Variants in NTN1 observed in about 807,000 individuals in gnomAD.
NTN1 encodes the protein netrin 1, also known as netrin-1.
In NTN1, 11 loss-of-function variants were observed where a neutral mutation model predicts 54.2. That is an observed-to-expected ratio of 0.20 (90% confidence interval 0.13 to 0.34). NTN1 has a LOEUF of 0.34. NTN1 is among the 10% of genes least tolerant of loss of function. The probability of loss-of-function intolerance (pLI) is 1.00; values close to 1 mark genes in which losing one functional copy is unlikely to be tolerated. For missense variants in NTN1, 740 were observed against 893.1 expected (o/e 0.83, Z 2.18); for synonymous variants, 371 against 382.0 (o/e 0.97, Z 0.33).
rs753601647 is a variant in NTN1, at chr17:9,022,490, T to C, written c.117T>C (p.Asp39=). ...SMFAGQAAQP[D]PCSDENGHPR... ...TCGCGGGCCAGGCGGCGCAGCCCGA[T>C]CCCTGCTCGGACGAGAACGGCCACC... The change falls in exon 2 of 7, where the codon GAT becomes GAC. Residue 39 remains aspartate, a synonymous_variant. Transcript: ENST00000173229. 3.0e-5 allele frequency: 46 copies of C among 1,539,282 alleles called. No homozygotes were observed. The highest frequency in any genetic ancestry group is 3.5e-6 in the Non-Finnish European group (4 of 1,146,800).
intron 2 of NTN1, among the ~76,000 whole-genome samples, chr17:9,125,638 C>G (rs1567716498): frequency 6.6e-6 from 1 of 152,026 alleles, no homozygotes; most frequent in Non-Finnish European, 1.5e-5. Flanking sequence ...GGAGGTCTCA[C>G]TCTGTCACCC....
chr17:9,237,392 A>G (rs553427384), intron 6 of NTN1, among the ~76,000 whole-genome samples: 1 of 152,290 alleles, frequency 6.6e-6, no homozygotes, highest in African/African-American at 2.4e-5. Flanking sequence ...AAAAATTTTA[A>G]TGGGTAGTTA....
intron 2 of NTN1, among the ~76,000 whole-genome samples, chr17:9,090,796 C>T (rs2092107809): frequency 1.3e-5 from 2 of 152,208 alleles, no homozygotes; most frequent in South Asian, 4.1e-4. Context: ...GAGAAGGGGG[C>T]AGGGAGGCTG....
At chr17:9,229,215 C>T (rs1567746654) in intron 6 of NTN1, among the ~76,000 whole-genome samples, 1 of 151,944 alleles carries the variant, frequency 6.6e-6, no homozygotes, top group Non-Finnish European at 1.5e-5. Flanking sequence ...AGCAGTGGGC[C>T]TGGGGACCTG....
chr17:9,147,994 G>A (rs1329889713), intron 2 of NTN1, among the ~76,000 whole-genome samples: 1 of 152,142 alleles, frequency 6.6e-6, no homozygotes, highest in Non-Finnish European at 1.5e-5. Flanking sequence ...CCTCCCCCTT[G>A]TGTCTCCTGG....
chr17:9,153,140 G>A (rs964683918), intron 2 of NTN1, among the ~76,000 whole-genome samples: 11 of 152,094 alleles, frequency 7.2e-5, no homozygotes, highest in Non-Finnish European at 1.3e-4. Context: ...GTGGTGGCAC[G>A]CACCTGTAAT....
At chr17:9,053,517 C>A (rs554175142) in intron 2 of NTN1, among the ~76,000 whole-genome samples, 1 of 152,254 alleles carries the variant, frequency 6.6e-6, no homozygotes, top group Non-Finnish European at 1.5e-5. Flanking sequence ...CCCCTGTGGA[C>A]GTTGCTGTAG....
At chr17:9,203,142 C>T (rs1025661645) in intron 5 of NTN1, among the ~76,000 whole-genome samples, 8 of 151,616 alleles carry the variant, frequency 5.3e-5, no homozygotes, top group African/African-American at 1.2e-4. Flanking sequence ...AGGATGATCT[C>T]GATCTCCTGA....
rs1414813496 is a variant in NTN1 at position 9,125,976 on chromosome 17, C to A, written c.1019-36837C>A. On this transcript the variant is annotated intron_variant, in intron 2 of 6. Coordinates refer to ENST00000173229, the MANE Select transcript of NTN1 (RefSeq NM_004822.3). ...GATGAGAAACCTGAAGCTGAGGGAG[C>A]CTGAGGGACTTGTCAAAGGTTGTCT... 2.0e-5 allele frequency among the ~76,000 whole-genome samples: 3 copies of A among 152,296 alleles called. No homozygotes were observed. The East Asian group carries it at 5.8e-4, about 29-fold the overall frequency.
chr17:9,182,941 T>A lies in NTN1; in HGVS notation c.1383T>A (p.Thr461=). 2 of 1,613,968 alleles carry A rather than the reference T, an allele frequency of 1.2e-6. No individual in the cohort carries two copies. The highest frequency in any genetic ancestry group is 2.2e-5 in the South Asian group (2 of 91,070). The change falls in exon 5 of 7, where the codon ACT becomes ACA. Residue 461 remains threonine (T), a synonymous_variant. Transcript: ENST00000173229. ...AGATCCCTGTAGCGCCGCCGACGAC[T>A]GCAGCCAGCAGCGTGGAGGAGCCTG... ...CIKIPVAPPT[T]AASSVEEPED... is the part of the protein sequence containing the mutation.
rs115680930 is a variant in NTN1, at chr17:9,146,724, A to G, written c.1019-16089A>G. On this transcript the variant is annotated intron_variant, in intron 2 of 6. Coordinates refer to ENST00000173229, the MANE Select transcript of NTN1 (RefSeq NM_004822.3). ...GTGAGCTAGGGATTTGGCCCGTGCT[A>G]TTGGCTCTCAAAACAATTTGGAGGA... is the stretch of plus-strand genomic sequence containing the variant. Among the ~76,000 whole-genome samples the G allele has an allele frequency of 2.8e-3, 432 of 152,232 alleles. 1 individual carries two copies. Among genetic ancestry groups the G allele is most frequent in the African/African-American group, 0.01 (416 of 41,546 alleles).
chr17:9,105,399 A>G (rs1262079716), intron 2 of NTN1, among the ~76,000 whole-genome samples: 1 of 152,208 alleles, frequency 6.6e-6, no homozygotes, highest in Non-Finnish European at 1.5e-5. Flanking sequence ...TGGTGGCCTT[A>G]AAAGGCTTAG....
intron 6 of NTN1, among the ~76,000 whole-genome samples, chr17:9,235,904 G>A (rs1905972388): frequency 6.6e-6 from 1 of 151,922 alleles, no homozygotes; most frequent in Non-Finnish European, 1.5e-5. Flanking sequence ...GGCGTCCACT[G>A]CCACGCCCAG....
At chr17:9,020,748 G>C (rs567110153), upstream of NTN1, among the ~76,000 whole-genome samples, 60 of 152,328 alleles carry the variant, frequency 3.9e-4, no homozygotes, top group African/African-American at 1.4e-3. Flanking sequence ...CCCCATGCCT[G>C]AGACCAGGCA....
chr17:9,148,416 T>A (rs2092319471), intron 2 of NTN1, among the ~76,000 whole-genome samples: 1 of 152,036 alleles, frequency 6.6e-6, no homozygotes, highest in South Asian at 2.1e-4. Flanking sequence ...TTGTGGAGAC[T>A]GAGGAAATTA....
chr17:9,220,011 G>C (rs1400476769), intron 5 of NTN1, among the ~76,000 whole-genome samples: 1 of 152,224 alleles, frequency 6.6e-6, no homozygotes, highest in Non-Finnish European at 1.5e-5. Context: ...TGGCCAGCCT[G>C]GCTGGTCTTC....
intron 2 of NTN1, among the ~76,000 whole-genome samples, chr17:9,084,381 T>C (rs2092083263): frequency 6.6e-6 from 1 of 152,188 alleles, no homozygotes; most frequent in Non-Finnish European, 1.5e-5. Context: ...TGTCTAGTCA[T>C]TGTGTGGGAG....
chr17:9,172,890 CAA>C (rs1163532842), intron 3 of NTN1: 1 of 69,228 alleles, frequency 1.4e-5, no homozygotes, highest in African/African-American at 6.1e-5. Context: ...GCCTGGGCAA[CAA>C]GAGTGAAACT....
At chr17:9,040,327 T>C (rs181828545) in intron 2 of NTN1, among the ~76,000 whole-genome samples, 7 of 152,362 alleles carry the variant, frequency 4.6e-5, no homozygotes, top group African/African-American at 1.2e-4. Context: ...ACACATTTTT[T>C]CAGAAGAGTT....
Sources: gnomAD v4.1 joint callset for allele counts (sites outside exome capture counted in the v4.1 genomes callset) on GRCh38, gnomAD v4.1.1 for gene constraint, MANE v1.5 for transcripts, NCBI Gene and HGNC (gene_info 2026-07-23, HGNC 2026-07-21) for gene names.